EYA4: variants seen among roughly 807,000 people sequenced by gnomAD.
EYA4 encodes protein phosphatase EYA4.
A neutral mutation model predicts 87.9 loss-of-function variants in EYA4; 31 were observed. That is an observed-to-expected ratio of 0.35 (90% CI 0.27 to 0.48). EYA4 has a LOEUF of 0.48. Ranked by LOEUF, EYA4 falls within the 20% of genes least tolerant of loss-of-function variation. The probability of loss-of-function intolerance (pLI) is 0.99; values close to 1 mark genes in which losing one functional copy is unlikely to be tolerated. For synonymous variants in EYA4, 263 were observed against 270.6 expected (o/e 0.97, Z 0.28); for missense variants, 678 against 761.4 (o/e 0.89, Z 1.29).
chr6:133,413,426 ATTT>A (rs11388358), intron 3 of EYA4, among the ~76,000 whole-genome samples: 4 of 140,870 alleles, frequency 2.8e-5, no homozygotes, highest in South Asian at 2.3e-4. Context: ...TAACCCAGTG[ATTT>A]TTTTTTTTTT....
intron 16 of EYA4, 27 bp downstream of exon 16, chr6:133,513,065 A>G (rs368678315): frequency 4.5e-5 from 72 of 1,600,384 alleles, no homozygotes; most frequent in Non-Finnish European, 5.5e-5. Context: ...CAATCTAACA[A>G]AGGTACTCTG....
In EYA4 at chr6:133,525,071, G is replaced by C. The variant is rs376952434; in HGVS notation, c.1739-83G>C. 2.5e-6 allele frequency: 4 copies of C among 1,613,500 alleles called. No individual in the cohort carries two copies. In the African/African-American group the frequency reaches 5.3e-5, roughly 22 times the overall value. On this transcript the variant is annotated intron_variant, in intron 18 of 19. Coordinates refer to ENST00000355286, the MANE Select transcript of EYA4 (RefSeq NM_004100.5). ...CAGATTTGGCACTAACATAACTTAT[G>C]TTGTGATTGGAGATGGCCGAGATGA...
intron 19 of EYA4, chr6:133,525,902 A>G: frequency 1.0e-6 from 1 of 985,332 alleles, no homozygotes; most frequent in Non-Finnish European, 1.2e-6. Flanking sequence ...CTTAGCCGTA[A>G]TGTGCCTCAC....
intron 2 of EYA4, among the ~76,000 whole-genome samples, chr6:133,381,922 T>TA (rs2128480135): frequency 6.6e-6 from 1 of 152,216 alleles, no homozygotes; most frequent in South Asian, 2.1e-4. Flanking sequence ...TGTTGAGACA[T>TA]ATATAAAACA....
intron 1 of EYA4, chr6:133,248,265 C>T (rs1774584233): frequency 6.6e-6 from 1 of 152,154 alleles, no homozygotes; most frequent in African/African-American, 2.4e-5. Context: ...TTCTGTTATC[C>T]TTTCCCCCTT....
intron 2 of EYA4, among the ~76,000 whole-genome samples, chr6:133,297,723 T>A (rs946690573): frequency 6.6e-6 from 1 of 152,246 alleles, no homozygotes; most frequent in African/African-American, 2.4e-5. Context: ...TGCTTCATTT[T>A]TGTATAATAT....
intron 2 of EYA4, among the ~76,000 whole-genome samples, chr6:133,365,386 A>G (rs1013767562): frequency 2.0e-5 from 3 of 152,192 alleles, no homozygotes; most frequent in African/African-American, 7.2e-5. Flanking sequence ...AATGGTACAA[A>G]TTGGGAGTTT....
chr6:133,285,095 C>A (rs1777936382), intron 2 of EYA4, among the ~76,000 whole-genome samples: 1 of 150,314 alleles, frequency 6.7e-6, no homozygotes, highest in African/African-American at 2.4e-5. Context: ...CTCCCGGGTT[C>A]ACGCCATTCT....
intron 6 of EYA4, among the ~76,000 whole-genome samples, chr6:133,459,987 A>C (rs936141078): frequency 6.6e-6 from 1 of 152,130 alleles, no homozygotes; most frequent in Non-Finnish European, 1.5e-5. Context: ...ACATTAAATG[A>C]TGCATGTTTG....
chr6:133,418,021 C>T (rs1789889747), intron 3 of EYA4, among the ~76,000 whole-genome samples: 2 of 152,214 alleles, frequency 1.3e-5, no homozygotes, highest in African/African-American at 2.4e-5. Context: ...ACCCTCTTAT[C>T]TGCTTTTCCA....
Position 133,530,892 on chromosome 6 carries a change from A to C in EYA4, c.*2087A>C. 1 of 1,076,532 alleles carries C rather than the reference A, an allele frequency of 9.3e-7. No homozygotes were observed. The highest frequency in any genetic ancestry group is 1.1e-6 in the Non-Finnish European group (1 of 888,086). 66.7% of individuals were successfully genotyped at this position (1,076,532 alleles called of 1,614,324 possible). ...ACTTCTGTTGGCCCTTAGCTTGAAA[A>C]TAGCAGTTAAAAAAATTTAAATGTT... On this transcript the variant is annotated 3_prime_UTR_variant, in exon 20 of 20. Transcript: ENST00000355286.
intron 4 of EYA4, among the ~76,000 whole-genome samples, chr6:133,447,176 GTGCTTTTTTAAA>G (rs1792932876): frequency 6.6e-6 from 1 of 151,730 alleles, no homozygotes; most frequent in Non-Finnish European, 1.5e-5. Context: ...CTTCTTAAAA[GTGCTTTTTTAAA>G]AAAACACATG....
chr6:133,270,417 T>C (rs967932896), intron 1 of EYA4, among the ~76,000 whole-genome samples: 12 of 152,240 alleles, frequency 7.9e-5, no homozygotes, highest in African/African-American at 2.9e-4. Context: ...ATAAATCTTA[T>C]GTCACATGAT....
chr6:133,308,953 AT>A (rs35405911), intron 2 of EYA4, among the ~76,000 whole-genome samples: 35,997 of 151,606 alleles, frequency 0.24, 5,209 homozygotes, highest in East Asian at 0.48. Context: ...ATTTTTTTGA[AT>A]TTTTTTTATC....
chr6:133,421,017 G>T (rs1352671416), intron 3 of EYA4, among the ~76,000 whole-genome samples: 2 of 152,190 alleles, frequency 1.3e-5, no homozygotes, highest in Non-Finnish European at 2.9e-5. Flanking sequence ...AAGCTTCGCT[G>T]CAGAAAGGAG....
chr6:133,264,932 A>G (rs1776093712), intron 1 of EYA4, among the ~76,000 whole-genome samples: 1 of 152,106 alleles, frequency 6.6e-6, no homozygotes, highest in South Asian at 2.1e-4. Context: ...CCTGGCCTCA[A>G]GTGATCAGAG....
At chr6:133,428,029 G>T (rs1790828208) in intron 3 of EYA4, among the ~76,000 whole-genome samples, 1 of 152,150 alleles carries the variant, frequency 6.6e-6, no homozygotes, top group South Asian at 2.1e-4. Context: ...TTGAGGGTTT[G>T]AAGACACACT....
intron 2 of EYA4, among the ~76,000 whole-genome samples, chr6:133,281,342 C>T (rs9483565): frequency 7.2e-4 from 109 of 151,982 alleles, no homozygotes; most frequent in African/African-American, 2.5e-3. Context: ...TTGTCACTTG[C>T]GCTTTTAGTG....
chr6:133,315,182 C>T (rs1780530075), intron 2 of EYA4, among the ~76,000 whole-genome samples: 1 of 152,082 alleles, frequency 6.6e-6, no homozygotes, highest in Non-Finnish European at 1.5e-5. Context: ...ATTTTTGAGG[C>T]CACTAAATCA....
Sources: allele counts gnomAD v4.1 joint callset (sites outside exome capture counted in the v4.1 genomes callset), GRCh38; gene constraint gnomAD v4.1.1; transcripts MANE v1.5; gene names NCBI Gene and HGNC (gene_info 2026-07-23, HGNC 2026-07-21).